SNX29: variants seen among roughly 807,000 people sequenced by gnomAD.
The protein encoded by SNX29 is sorting nexin 29, also known as sorting nexin-29.
SNX29 carries 78 observed loss-of-function variants against 102.1 expected under a neutral mutation model. The ratio of observed to expected loss-of-function variants is 0.76; its 90% CI spans 0.64 to 0.92. The LOEUF is 0.92. Among genes scored for constraint, SNX29 ranks in the 40% least tolerant of loss-of-function variants. The probability of loss-of-function intolerance (pLI) is 0.00; values close to 1 mark genes in which losing one functional copy is unlikely to be tolerated. For synonymous variants in SNX29, 580 were observed against 414.5 expected (o/e 1.40, Z -4.85); for missense variants, 1,280 against 1,061.7 (o/e 1.21, Z -2.86).
chr16:11,995,014 A>G (rs1045826057), intron 1 of SNX29, among the ~76,000 whole-genome samples: 1 of 152,200 alleles, frequency 6.6e-6, no homozygotes, highest in Non-Finnish European at 1.5e-5. Flanking sequence ...CTCTCAGTTG[A>G]TAAGTGGTCC....
intron 18 of SNX29, among the ~76,000 whole-genome samples, chr16:12,420,212 C>T (rs776588295): frequency 1.3e-5 from 2 of 152,234 alleles, no homozygotes; most frequent in Non-Finnish European, 2.9e-5. Flanking sequence ...GGCAAAACTG[C>T]CTTCTTGCGA....
intron 18 of SNX29, among the ~76,000 whole-genome samples, chr16:12,430,406 C>T (rs1446556020): frequency 6.6e-6 from 1 of 152,220 alleles, no homozygotes; most frequent in African/African-American, 2.4e-5. Context: ...GTGTTTTCTT[C>T]TCCAAGAACA....
chr16:12,108,328 C>G (rs2053353713), intron 11 of SNX29, among the ~76,000 whole-genome samples: 1 of 152,172 alleles, frequency 6.6e-6, no homozygotes, highest in Non-Finnish European at 1.5e-5. Context: ...ATGGAAGTTC[C>G]ATGCCAGGCC....
intron 14 of SNX29, among the ~76,000 whole-genome samples, chr16:12,259,231 C>T (rs1042278343): frequency 1.2e-4 from 19 of 152,146 alleles, no homozygotes; most frequent in African/African-American, 4.3e-4. Flanking sequence ...TCCTTCTCAA[C>T]GTGGGGAAAA....
chr16:12,178,975 G>A (rs1210689293), intron 13 of SNX29, among the ~76,000 whole-genome samples: 1 of 152,206 alleles, frequency 6.6e-6, no homozygotes, highest in African/African-American at 2.4e-5. Flanking sequence ...CTTTGTATGT[G>A]AATGCTTTGT....
At chr16:12,107,070 G>C (rs925775610) in intron 11 of SNX29, among the ~76,000 whole-genome samples, 1 of 152,162 alleles carries the variant, frequency 6.6e-6, no homozygotes, top group Admixed American at 6.5e-5. Context: ...CTCCCTCCTC[G>C]GCGTCCCAGA....
Position 11,976,739 on chromosome 16 carries a change from G to A in SNX29, c.-68G>A. 8.3e-7 allele frequency: 1 copy of A among 1,202,020 alleles called. No individual in the cohort carries two copies. The highest frequency in any genetic ancestry group is 3.1e-4 in the Middle Eastern group (1 of 3,180). The allele number at this position is 1,202,020 out of a possible 1,614,324, so 74.5% of individuals were successfully genotyped here. ...GGGCTCCTGTCTCCCGGCCTGTCTG[G>A]AGCTCGGCAGCCGCAGAAGCGGCAG... On this transcript the variant is annotated 5_prime_UTR_variant, in exon 1 of 21. Transcript: ENST00000566228.
Position 12,568,560 on chromosome 16 carries a change from C to CT in SNX29, c.2375dup (p.Lys794GlnfsTer19), listed in dbSNP as rs1567224985. 1 of 1,609,294 alleles carries CT rather than the reference C, an allele frequency of 6.2e-7. No homozygotes were observed. The highest frequency in any genetic ancestry group is 1.3e-5 in the African/African-American group (1 of 75,056). Reference sequence around the variant, plus strand: ...ACAGCCGGCCCAAAGCAGCTTCCCGCTTCCCCAAACTGTCCCGGGGTCAGC... The same window carrying CT: ...ACAGCCGGCCCAAAGCAGCTTCCCGCTTTCCCCAAACTGTCCCGGGGTCAGC... On this transcript the variant is annotated frameshift_variant, in exon 21 of 21. Coordinates refer to ENST00000566228, the MANE Select transcript of SNX29 (RefSeq NM_032167.5). LOFTEE classifies it high-confidence loss of function.
chr16:12,434,300 G>GT lies in SNX29; in HGVS notation c.2037+30776dup, dbSNP rs140169670. Among the ~76,000 whole-genome samples, 267 of 152,290 alleles carry GT rather than the reference G, an allele frequency of 1.8e-3. 3 individuals are homozygous for GT. The highest frequency in any genetic ancestry group is 6.1e-3 in the African/African-American group (255 of 41,550). ...ACAAAGTAGTAAGCTCTCAGTGGCTGTTTTTGTTTCTCTGTTTGCCTGAAA... is the reference window on the plus strand; with the variant it reads ...ACAAAGTAGTAAGCTCTCAGTGGCTGTTTTTTGTTTCTCTGTTTGCCTGAAA... On this transcript the variant is annotated intron_variant, in intron 18 of 20. Coordinates refer to ENST00000566228, the MANE Select transcript of SNX29 (RefSeq NM_032167.5).
Position 12,571,887 on chromosome 16 carries a change from T to G in SNX29, c.*3258T>G. Reference sequence around the variant, plus strand: ...GGCATTTTAGAGTTTGGAGCTGAGGTTCAAAGCCCCCTGCATTTCTCTACT... The same window carrying G: ...GGCATTTTAGAGTTTGGAGCTGAGGGTCAAAGCCCCCTGCATTTCTCTACT... On this transcript the variant is annotated 3_prime_UTR_variant, in exon 21 of 21. Transcript: ENST00000566228. The G allele has an allele frequency of 9.4e-7, 1 of 1,061,738 alleles. No individual in the cohort carries two copies. The highest frequency in any genetic ancestry group is 1.1e-6 in the Non-Finnish European group (1 of 877,040). 65.8% of individuals were successfully genotyped at this position (1,061,738 alleles called of 1,614,324 possible). A position where few individuals can be genotyped will look rare whatever the true frequency, so the allele number is the denominator to read the frequency against.
chr16:12,039,914 G>T (rs1395166369), intron 4 of SNX29, among the ~76,000 whole-genome samples: 2 of 152,170 alleles, frequency 1.3e-5, no homozygotes, highest in Non-Finnish European at 2.9e-5. Context: ...GATGTAAAGT[G>T]TTTACTGCAA....
chr16:12,180,266 T>C (rs2076352494), intron 13 of SNX29, among the ~76,000 whole-genome samples: 1 of 152,222 alleles, frequency 6.6e-6, no homozygotes. Flanking sequence ...AATACTTTCT[T>C]TAATGTTCTG....
At chr16:12,523,343 G>A (rs563383405) in intron 19 of SNX29, among the ~76,000 whole-genome samples, 3 of 152,178 alleles carry the variant, frequency 2.0e-5, no homozygotes, top group Non-Finnish European at 2.9e-5. Context: ...ATTCCTCCTC[G>A]TGTTCTGTGA....
chr16:12,549,664 A>C (rs1197429617), intron 20 of SNX29, among the ~76,000 whole-genome samples: 1 of 152,230 alleles, frequency 6.6e-6, no homozygotes, highest in African/African-American at 2.4e-5. Context: ...AGCTTGAGGC[A>C]GTCCCAAGGC....
At chr16:12,091,254 C>G (rs559062639) in intron 11 of SNX29, among the ~76,000 whole-genome samples, 62 of 152,140 alleles carry the variant, frequency 4.1e-4, no homozygotes, top group African/African-American at 1.4e-3. Context: ...AGGGTTCACA[C>G]CCGCTCCCCC....
At chr16:12,429,367 T>A (rs980111566) in intron 18 of SNX29, among the ~76,000 whole-genome samples, 1 of 152,266 alleles carries the variant, frequency 6.6e-6, no homozygotes, top group African/African-American at 2.4e-5. Context: ...GCTTTTCTTC[T>A]GTGCATTTTT....
At chr16:12,197,735 G>T (rs1414554305) in intron 13 of SNX29, among the ~76,000 whole-genome samples, 1 of 152,198 alleles carries the variant, frequency 6.6e-6, no homozygotes, top group African/African-American at 2.4e-5. Context: ...GACAGGCTTT[G>T]TCTAGGACGA....
chr16:12,403,365 T>G lies in SNX29; in HGVS notation c.1956-83T>G. ...CATAATACCTCTTGGAGTAGAAAAT[T>G]GTCTCCTTTCCTCTTTTTTATTTTT... is the stretch of plus-strand genomic sequence containing the variant. On this transcript the variant is annotated intron_variant, in intron 17 of 20. Transcript: ENST00000566228. 7 of 1,373,196 alleles carry G rather than the reference T, an allele frequency of 5.1e-6. No individual in the cohort carries two copies. In the South Asian group the frequency reaches 8.9e-5, roughly 18 times the overall value. The allele number at this position is 1,373,196 out of a possible 1,614,324, so 85.1% of individuals were successfully genotyped here. A position where few individuals can be genotyped will look rare whatever the true frequency, so the allele number is the denominator to read the frequency against.
At chr16:12,467,004 G>A (rs1228488657) in intron 18 of SNX29, among the ~76,000 whole-genome samples, 1 of 152,342 alleles carries the variant, frequency 6.6e-6, no homozygotes, top group East Asian at 1.9e-4. Flanking sequence ...GGGAACAAGA[G>A]TGCCCACCTT....
Sources: gnomAD v4.1 joint callset for allele counts (sites outside exome capture counted in the v4.1 genomes callset) on GRCh38, gnomAD v4.1.1 for gene constraint, MANE v1.5 for transcripts, NCBI Gene and HGNC (gene_info 2026-07-23, HGNC 2026-07-21) for gene names.